TNS3: variants seen among roughly 807,000 people sequenced by gnomAD.
TNS3 encodes the protein tensin 3.
Under a neutral mutation model 140.9 loss-of-function variants are expected in TNS3, and 45 were observed. The ratio of observed to expected loss-of-function variants is 0.32; its 90% CI spans 0.25 to 0.41. The LOEUF (loss-of-function observed/expected upper bound fraction) is 0.41, where lower values mean the gene tolerates loss of function less well. Among genes scored for constraint, TNS3 ranks in the 10% least tolerant of loss-of-function variants. The pLI is 1.00. For synonymous variants in TNS3, 815 were observed against 788.4 expected, an observed-to-expected ratio of 1.03 and a Z score of -0.56; for missense variants, 1,716 against 1,906.7, an observed-to-expected ratio of 0.90 and a Z score of 1.86.
intron 21 of TNS3, among the ~76,000 whole-genome samples, chr7:47,303,852 G>A (rs765294149): frequency 2.4e-4 from 37 of 152,162 alleles, no homozygotes; most frequent in Non-Finnish European, 5.0e-4. Context: ...CTCCACATGC[G>A]CAGATGCTGC....
chr7:47,479,192 C>T lies in TNS3; in HGVS notation c.-76+1911G>A, dbSNP rs141444342. Among the ~76,000 whole-genome samples the T allele has an allele frequency of 7.3e-4, 111 of 152,320 alleles. 1 individual carries two copies. In the South Asian group the frequency reaches 7.7e-3, roughly 11 times the overall value. On this transcript the variant is annotated intron_variant, in intron 4 of 30. Coordinates refer to ENST00000311160, the MANE Select transcript of TNS3 (RefSeq NM_022748.12). ...CTGGCCTGTCTGACAGCCCTGCAAC[C>T]GGCATCTTTAGAGCCAGCACACAGC...
At chr7:47,579,488 T>A (rs1339711224) in intron 1 of TNS3, 1 of 152,232 alleles carries the variant, frequency 6.6e-6, no homozygotes, top group Non-Finnish European at 1.5e-5. Context: ...CTAAGCGTGC[T>A]GCTGAGGCAC....
intron 6 of TNS3, among the ~76,000 whole-genome samples, chr7:47,437,936 G>GA (rs1795270281): frequency 6.6e-6 from 1 of 151,248 alleles, no homozygotes; most frequent in Admixed American, 6.6e-5. Context: ...CCCAGGCCTG[G>GA]AAAGGGCTGA....
At chr7:47,401,437 G>C (rs566600495) in intron 13 of TNS3, among the ~76,000 whole-genome samples, 1 of 152,226 alleles carries the variant, frequency 6.6e-6, no homozygotes, top group African/African-American at 2.4e-5. Context: ...TGTGCATGCT[G>C]TAATTTAGAG....
At chr7:47,366,819 C>G (rs1344336105) in intron 17 of TNS3, among the ~76,000 whole-genome samples, 1 of 152,188 alleles carries the variant, frequency 6.6e-6, no homozygotes, top group South Asian at 2.1e-4. Context: ...GTGCTTAGGA[C>G]GATGACATGG....
rs184590579 is a variant in TNS3, at chr7:47,555,667, G to A, written c.-265+26384C>T. On this transcript the variant is annotated intron_variant, in intron 1 of 30. Coordinates refer to ENST00000311160, the MANE Select transcript of TNS3 (RefSeq NM_022748.12). ...TCCGTCCAAAGCCATGAACTTGTAG[G>A]CAAGACTTTCCATCAGCAAAAAGAT... is the stretch of plus-strand genomic sequence containing the variant. Among the ~76,000 whole-genome samples the A allele has an allele frequency of 7.9e-5, 12 of 152,302 alleles. No individual in the cohort carries two copies. In the East Asian group the frequency reaches 2.3e-3, roughly 29 times the overall value.
chr7:47,523,139 T>G (rs1799051562), intron 2 of TNS3, among the ~76,000 whole-genome samples: 1 of 152,050 alleles, frequency 6.6e-6, no homozygotes, highest in Non-Finnish European at 1.5e-5. Context: ...CACTTCCTGG[T>G]TCATAGATGG....
At chr7:47,372,109 G>A (rs911177948) in intron 16 of TNS3, among the ~76,000 whole-genome samples, 1 of 152,194 alleles carries the variant, frequency 6.6e-6, no homozygotes, top group Non-Finnish European at 1.5e-5. Context: ...GTGTGAGAAG[G>A]AGGTGCTGAT....
chr7:47,449,239 T>C lies in TNS3; in HGVS notation c.-75-7184A>G, dbSNP rs114563114. Among the ~76,000 whole-genome samples the C allele has an allele frequency of 8.8e-3, 1,343 of 152,316 alleles. 24 individuals are homozygous for C. The highest frequency in any genetic ancestry group is 0.03 in the African/African-American group (1,261 of 41,568). ...AGTCAGCTGCAGCAAACCAAGCCTATGTCGTGCAATTAATGCTAGTGCGGC... is the reference window on the plus strand; with the variant it reads ...AGTCAGCTGCAGCAAACCAAGCCTACGTCGTGCAATTAATGCTAGTGCGGC... On this transcript the variant is annotated intron_variant, in intron 4 of 30. Transcript: ENST00000311160.
At chr7:47,302,114 C>A in intron 23 of TNS3, 72 bp downstream of exon 23, 1 of 1,281,910 alleles carries the variant, frequency 7.8e-7, no homozygotes, top group Non-Finnish European at 1.1e-6. Context: ...ACCGCAGGGC[C>A]CATCTTCACA....
At chr7:47,566,150 C>T (rs145477239) in intron 1 of TNS3, among the ~76,000 whole-genome samples, 82 of 152,276 alleles carry the variant, frequency 5.4e-4, no homozygotes, top group Middle Eastern at 3.4e-3. Context: ...CTAACAGTTT[C>T]CAGGGGATGC....
chr7:47,340,465 C>T (rs375767819), intron 20 of TNS3, among the ~76,000 whole-genome samples: 2 of 151,874 alleles, frequency 1.3e-5, no homozygotes, highest in African/African-American at 2.4e-5. Flanking sequence ...GCATTGCTAG[C>T]GTACTGAAAT....
At chr7:47,472,327 GAGA>G (rs917946467) in intron 4 of TNS3, among the ~76,000 whole-genome samples, 3 of 152,194 alleles carry the variant, frequency 2.0e-5, no homozygotes, top group African/African-American at 7.2e-5. Flanking sequence ...TGGGATCCGT[GAGA>G]AGGAGGGAGG....
intron 20 of TNS3, among the ~76,000 whole-genome samples, chr7:47,312,374 C>T (rs1183687109): frequency 1.3e-5 from 2 of 152,180 alleles, no homozygotes; most frequent in African/African-American, 4.8e-5. Context: ...GACTTATCTC[C>T]ATTTGTGTTT....
intron 17 of TNS3, among the ~76,000 whole-genome samples, chr7:47,360,457 G>C (rs560588992): frequency 7.5e-4 from 115 of 152,334 alleles, no homozygotes; most frequent in African/African-American, 2.5e-3. Flanking sequence ...CCTCACGGAC[G>C]CATGTCCAGC....
At chr7:47,461,684 T>C (rs1298997520) in intron 4 of TNS3, among the ~76,000 whole-genome samples, 1 of 152,216 alleles carries the variant, frequency 6.6e-6, no homozygotes, top group Non-Finnish European at 1.5e-5. Context: ...CTGCGTCTGC[T>C]CCCAACCCTG....
intron 10 of TNS3, among the ~76,000 whole-genome samples, chr7:47,422,086 T>A (rs569506290): frequency 2.7e-4 from 41 of 152,332 alleles, no homozygotes; most frequent in African/African-American, 9.9e-4. Flanking sequence ...TCCAGATTTA[T>A]CTTATGCATT....
chr7:47,450,489 C>T (rs556036920), intron 4 of TNS3, among the ~76,000 whole-genome samples: 2 of 152,258 alleles, frequency 1.3e-5, no homozygotes, highest in Non-Finnish European at 2.9e-5. Context: ...TACTCAAGTA[C>T]TGAAAACGGT....
chr7:47,292,293 T>C (rs1395212376), intron 26 of TNS3, among the ~76,000 whole-genome samples: 1 of 152,236 alleles, frequency 6.6e-6, no homozygotes, highest in Non-Finnish European at 1.5e-5. Context: ...CTTTGAAAAG[T>C]AAATCACATT....
Sources: gnomAD v4.1 joint callset for allele counts (sites outside exome capture counted in the v4.1 genomes callset) on GRCh38, gnomAD v4.1.1 for gene constraint, MANE v1.5 for transcripts, NCBI Gene and HGNC (gene_info 2026-07-23, HGNC 2026-07-21) for gene names.